The following RFX2 variants were observed in gnomAD, a reference collection of about 807,000 sequenced individuals.
RFX2 encodes regulatory factor X2, also known as DNA-binding protein RFX2.
Under a neutral mutation model 87.8 loss-of-function variants are expected in RFX2, and 20 were observed. That is an observed-to-expected ratio of 0.23 (90% confidence interval 0.16 to 0.33). The LOEUF (loss-of-function observed/expected upper bound fraction) is 0.33. RFX2 is among the 10% of genes least tolerant of loss of function. The pLI is 1.00. For missense variants in RFX2, 767 were observed against 1,012.3 expected (o/e 0.76, Z 3.29); for synonymous variants, 397 against 431.3 (o/e 0.92, Z 0.98).
chr19:6,055,804 A>G (rs549517157), intron 1 of RFX2, among the ~76,000 whole-genome samples: 1 of 152,326 alleles, frequency 6.6e-6, no homozygotes, highest in South Asian at 2.1e-4. Context: ...ACCCTAAAAC[A>G]ACCACTAAAA....
Position 6,039,414 on chromosome 19 carries a change from C to G in RFX2, c.522+566G>C, listed in dbSNP as rs1255613212. ...TCTACCCATGTCAAAACTCACAAGG[C>G]TGTACACCAAAAAGTTGATTTTACT... On this transcript the variant is annotated intron_variant, in intron 5 of 17. Coordinates refer to ENST00000303657, the MANE Select transcript of RFX2 (RefSeq NM_000635.4). The surrounding 1 kb of genome is among the most constrained non-coding windows in gnomAD (Gnocchi z 5.2). Among the ~76,000 whole-genome samples, 1 of 152,176 alleles carries G rather than the reference C, an allele frequency of 6.6e-6. No homozygotes were observed. The highest frequency in any genetic ancestry group is 1.9e-4 in the East Asian group (1 of 5,204).
At chr19:6,019,221 C>A (rs2086772704) in intron 6 of RFX2, among the ~76,000 whole-genome samples, 2 of 152,184 alleles carry the variant, frequency 1.3e-5, no homozygotes, top group East Asian at 3.9e-4. Context: ...AAACAAAGGA[C>A]CCTGAGAAGG....
intron 5 of RFX2, among the ~76,000 whole-genome samples, chr19:6,032,777 A>G (rs1184792786): frequency 6.6e-6 from 1 of 152,138 alleles, no homozygotes; most frequent in Non-Finnish European, 1.5e-5. Flanking sequence ...TATCTTTCTG[A>G]ACCAATTCTG....
chr19:5,996,266 CCA>C (rs148564956), intron 16 of RFX2, among the ~76,000 whole-genome samples: 251 of 123,088 alleles, frequency 2.0e-3, no homozygotes, highest in South Asian at 5.9e-3. Context: ...AAACACCCGC[CCA>C]CACACGCCCA....
Position 6,040,393 on chromosome 19 carries a change from T to G in RFX2, c.261-152A>C. ...TCGGACGTGGCATATGACACTCAAA[T>G]GCAGCGCAAGTTCACAGCCACCATG... is the stretch of plus-strand genomic sequence containing the variant. On this transcript the variant is annotated intron_variant, in intron 4 of 17. Coordinates refer to ENST00000303657, the MANE Select transcript of RFX2 (RefSeq NM_000635.4). The surrounding 1 kb of genome is among the most constrained non-coding windows in gnomAD (Gnocchi z 6.1). 1 of 722,374 alleles carries G rather than the reference T, an allele frequency of 1.4e-6. No individual in the cohort carries two copies. The highest frequency in any genetic ancestry group is 2.1e-6 in the Non-Finnish European group (1 of 477,900). The allele number at this position is 722,374 out of a possible 1,614,324, so 44.7% of individuals were successfully genotyped here.
intron 12 of RFX2, among the ~76,000 whole-genome samples, chr19:6,006,360 T>C (rs1274643515): frequency 6.6e-6 from 1 of 152,112 alleles, no homozygotes; most frequent in Admixed American, 6.6e-5. Flanking sequence ...GGTCTCACTA[T>C]GTTGCCCAGG....
At chr19:5,996,928 G>T in intron 16 of RFX2, 132 bp downstream of exon 16, 1 of 918,536 alleles carries the variant, frequency 1.1e-6, no homozygotes. Context: ...GTTCTTTATC[G>T]AGCTGCAGCT....
intron 12 of RFX2, among the ~76,000 whole-genome samples, chr19:6,006,255 G>A (rs971428680): frequency 3.3e-5 from 5 of 152,090 alleles, no homozygotes; most frequent in African/African-American, 4.8e-5. Context: ...CGACCTCTTG[G>A]GCTCAGGTGA....
chr19:6,068,598 G>A (rs1046011234), intron 1 of RFX2, among the ~76,000 whole-genome samples: 6 of 152,200 alleles, frequency 3.9e-5, no homozygotes, highest in Admixed American at 1.3e-4. Context: ...GGTGTGGGAC[G>A]GAGCTGTCCA....
At chr19:6,053,444 T>C (rs113384396) in intron 1 of RFX2, among the ~76,000 whole-genome samples, 7 of 152,210 alleles carry the variant, frequency 4.6e-5, no homozygotes, top group Non-Finnish European at 8.8e-5. Flanking sequence ...GTCCAAACCA[T>C]AGAATGTACA....
At chr19:6,019,795 T>A (rs896846521) in intron 6 of RFX2, 1 of 152,134 alleles carries the variant, frequency 6.6e-6, no homozygotes, top group Non-Finnish European at 1.5e-5. Context: ...CCGTCCGGAT[T>A]TGTCATGTGT....
rs1477058373 is a variant in RFX2, at chr19:6,048,043, C to A, written c.-8-539G>T. On this transcript the variant is annotated intron_variant, in intron 1 of 17. Coordinates refer to ENST00000303657, the MANE Select transcript of RFX2 (RefSeq NM_000635.4). Reference sequence around the variant, plus strand: ...GCTGAGCAGCACCCCTGGCCTCCACCCATTCCATGCCAGGAGCGCCCCCTC... The same window carrying A: ...GCTGAGCAGCACCCCTGGCCTCCACACATTCCATGCCAGGAGCGCCCCCTC... Among the ~76,000 whole-genome samples, 3 of 152,228 alleles carry A rather than the reference C, an allele frequency of 2.0e-5. No homozygotes were observed. In the East Asian group the frequency reaches 5.8e-4, roughly 29 times the overall value.
chr19:6,015,312 C>G (rs1163721045), intron 7 of RFX2, among the ~76,000 whole-genome samples: 1 of 151,878 alleles, frequency 6.6e-6, no homozygotes, highest in Non-Finnish European at 1.5e-5. Flanking sequence ...CCCGTAAATC[C>G]CAGCTACTTG....
chr19:6,071,630 C>T (rs1008849448), intron 1 of RFX2, among the ~76,000 whole-genome samples: 1 of 152,122 alleles, frequency 6.6e-6, no homozygotes, highest in Non-Finnish European at 1.5e-5. Context: ...AAGTTTCAAC[C>T]CCAAAGCAAA....
intron 1 of RFX2, among the ~76,000 whole-genome samples, chr19:6,098,365 G>A (rs897041241): frequency 3.3e-5 from 5 of 152,068 alleles, no homozygotes; most frequent in Admixed American, 6.6e-5. Flanking sequence ...TCCCTGCACC[G>A]AGACAGCGCA....
intron 17 of RFX2, 134 bp from the exon 18 acceptor site, chr19:5,995,084 C>T: frequency 1.4e-6 from 1 of 693,788 alleles, no homozygotes; most frequent in Non-Finnish European, 2.5e-6. Context: ...GTGGACCCCA[C>T]CTCGGCCTCT....
At chr19:6,091,655 C>A (rs1247297271) in intron 1 of RFX2, among the ~76,000 whole-genome samples, 1 of 152,128 alleles carries the variant, frequency 6.6e-6, no homozygotes, top group East Asian at 1.9e-4. Flanking sequence ...AAGTACAATT[C>A]GAACATTTTC....
Position 6,013,054 on chromosome 19 carries a change from T to C in RFX2, c.831A>G (p.Pro277=). The change falls in exon 8 of 18, where the codon CCA becomes CCG. Residue 277 remains proline, a synonymous_variant. Coordinates refer to ENST00000303657, the MANE Select transcript of RFX2 (RefSeq NM_000635.4). This position sits in a 1 kb window ranked among gnomAD's most constrained non-coding sequence, Gnocchi z 4.1. ...GCGTGTCCTCCTGCAGCCGGTTCAG[T>C]GGTGAGTCCGGCTTCAGACGAATCC... The part of the protein sequence containing the change: ...YYGIRLKPDS[P]LNRLQEDTQY... 1.2e-6 allele frequency: 2 copies of C among 1,601,790 alleles called. No individual in the cohort carries two copies.
chr19:6,105,120 A>G lies in RFX2; in HGVS notation c.-9+5273T>C, dbSNP rs535868243. Among the ~76,000 whole-genome samples, 3 of 132,170 alleles carry G rather than the reference A, an allele frequency of 2.3e-5. No individual in the cohort carries two copies. In the South Asian group the frequency reaches 6.5e-4, roughly 29 times the overall value. 86.7% of individuals were successfully genotyped at this position (132,170 alleles called of 152,430 possible). On this transcript the variant is annotated intron_variant, in intron 1 of 17. Transcript: ENST00000303657. ...TGACAGAGTGAGACTCCGTCTCACA[A>G]AAAAAAAAAAAAAAGAAGTTAATAA...
Sources: allele counts gnomAD v4.1 joint callset (sites outside exome capture counted in the v4.1 genomes callset), GRCh38; gene constraint gnomAD v4.1.1; non-coding constraint Gnocchi (gnomAD v3.1); transcripts MANE v1.5; gene names NCBI Gene and HGNC (gene_info 2026-07-23, HGNC 2026-07-21).